The following RNF220 variants were observed in gnomAD, a reference collection of about 807,000 sequenced individuals.
The protein encoded by RNF220 is E3 ubiquitin-protein ligase RNF220.
Under a neutral mutation model 67.1 loss-of-function variants are expected in RNF220, and 7 were observed. That is an observed-to-expected ratio of 0.10 (90% CI 0.06 to 0.20). The LOEUF (loss-of-function observed/expected upper bound fraction) is 0.20, where lower values mean the gene tolerates loss of function less well. Ranked by LOEUF, RNF220 falls within the 10% of genes least tolerant of loss-of-function variation. The pLI is 1.00. For synonymous variants in RNF220, 270 were observed against 283.2 expected (o/e 0.95, Z 0.47); for missense variants, 565 against 740.3 (o/e 0.76, Z 2.75).
intron 2 of RNF220, among the ~76,000 whole-genome samples, chr1:44,521,969 G>A (rs531780363): frequency 1.3e-5 from 2 of 152,324 alleles, no homozygotes; most frequent in African/African-American, 4.8e-5. Flanking sequence ...CAGTGAAGGG[G>A]AGACTGAGTG....
At chr1:44,571,200 C>T (rs11211014) in intron 2 of RNF220, among the ~76,000 whole-genome samples, 4,183 of 152,284 alleles carry the variant, frequency 0.027, 157 homozygotes, top group African/African-American at 0.082. Flanking sequence ...AGTCTGGCCC[C>T]TCTTCCATCT....
intron 2 of RNF220, among the ~76,000 whole-genome samples, chr1:44,413,248 C>T (rs768959715): frequency 2.0e-5 from 3 of 152,144 alleles, no homozygotes; most frequent in Non-Finnish European, 2.9e-5. Flanking sequence ...ACAAAGGTGT[C>T]GTCAATCACC....
intron 2 of RNF220, among the ~76,000 whole-genome samples, chr1:44,484,028 A>G (rs1417698169): frequency 1.3e-5 from 2 of 152,186 alleles, no homozygotes; most frequent in Non-Finnish European, 2.9e-5. Flanking sequence ...ACTGTTTCCC[A>G]GCCTTGGGCT....
intron 2 of RNF220, among the ~76,000 whole-genome samples, chr1:44,564,841 G>A (rs1188269196): frequency 6.6e-6 from 1 of 152,092 alleles, no homozygotes; most frequent in African/African-American, 2.4e-5. Context: ...ATGTGCTCAG[G>A]GGGAACCTTA....
At chr1:44,605,669 G>A (rs1191898016) in intron 2 of RNF220, among the ~76,000 whole-genome samples, 1 of 152,168 alleles carries the variant, frequency 6.6e-6, no homozygotes, top group Non-Finnish European at 1.5e-5. Flanking sequence ...GAGGCTTCGG[G>A]AACACAGAGG....
intron 2 of RNF220, among the ~76,000 whole-genome samples, chr1:44,544,785 C>T (rs1661983748): frequency 6.6e-6 from 1 of 152,248 alleles, no homozygotes; most frequent in Non-Finnish European, 1.5e-5. Context: ...GCTCCATGCC[C>T]ACTCCACGGC....
intron 2 of RNF220, among the ~76,000 whole-genome samples, chr1:44,513,145 T>C (rs1323024700): frequency 6.6e-6 from 1 of 152,198 alleles, no homozygotes; most frequent in Non-Finnish European, 1.5e-5. Context: ...TCGCAGTAGC[T>C]GGTTTGGCAA....
At chr1:44,626,439 C>A in intron 5 of RNF220, 41 bp downstream of exon 5, 1 of 1,514,256 alleles carries the variant, frequency 6.6e-7, no homozygotes, top group Non-Finnish European at 9.2e-7. Flanking sequence ...GCAAGCTCAC[C>A]TGGGGGAGGG....
At chr1:44,436,349 G>A (rs1650966611) in intron 2 of RNF220, among the ~76,000 whole-genome samples, 1 of 151,988 alleles carries the variant, frequency 6.6e-6, no homozygotes, top group South Asian at 2.1e-4. Flanking sequence ...TTTTAGGGGG[G>A]GTAATATATT....
intron 2 of RNF220, among the ~76,000 whole-genome samples, chr1:44,462,284 CTG>C (rs2147964064): frequency 6.6e-6 from 1 of 152,118 alleles, no homozygotes; most frequent in South Asian, 2.1e-4. Flanking sequence ...ATTAAAATTC[CTG>C]TGTTTATAGT....
intron 2 of RNF220, among the ~76,000 whole-genome samples, chr1:44,592,034 A>G (rs1666153975): frequency 6.6e-6 from 1 of 152,158 alleles, no homozygotes; most frequent in African/African-American, 2.4e-5. Context: ...ACACCCCCAG[A>G]GGACTGGCCC....
chr1:44,453,033 A>G (rs1217368144), intron 2 of RNF220, among the ~76,000 whole-genome samples: 3 of 152,062 alleles, frequency 2.0e-5, no homozygotes, highest in African/African-American at 4.8e-5. Context: ...TCTTCATATA[A>G]ATCTTGGACA....
intron 2 of RNF220, among the ~76,000 whole-genome samples, chr1:44,503,190 T>C (rs1206711278): frequency 6.6e-6 from 1 of 151,834 alleles, no homozygotes; most frequent in Non-Finnish European, 1.5e-5. Context: ...AAAAATTAGC[T>C]GGGTATGGTG....
At chr1:44,425,015 A>C (rs1448957055) in intron 2 of RNF220, among the ~76,000 whole-genome samples, 1 of 152,238 alleles carries the variant, frequency 6.6e-6, no homozygotes, top group African/African-American at 2.4e-5. Context: ...TTTGTAAAGA[A>C]ATAAAAGTTG....
At chr1:44,643,879 A>T (rs1408010245) in intron 8 of RNF220, 1 of 153,420 alleles carries the variant, frequency 6.5e-6, no homozygotes, top group Non-Finnish European at 1.4e-5. Flanking sequence ...ATCGCCTGGC[A>T]GGTGAGCAGG....
Position 44,565,382 on chromosome 1 carries a change from G to A in RNF220, c.626-48783G>A, listed in dbSNP as rs948880201. On this transcript the variant is annotated intron_variant, in intron 2 of 14. Coordinates refer to ENST00000361799, the MANE Select transcript of RNF220 (RefSeq NM_018150.4). The surrounding 1 kb of genome is among the most constrained non-coding windows in gnomAD (Gnocchi z 4.2). The stretch of plus-strand genomic sequence containing the variant: ...ATTATCAGAGGGACCACCATGGGTC[G>A]GGCAAGCACCTCAGCCAGGGAGTAA... 3.3e-5 allele frequency among the ~76,000 whole-genome samples: 5 copies of A among 152,128 alleles called. No individual in the cohort carries two copies. Among genetic ancestry groups the A allele is most frequent in the Non-Finnish European group, 7.4e-5 (5 of 68,014 alleles).
At chr1:44,409,032 A>C (rs890488346) in intron 1 of RNF220, 2 of 152,394 alleles carry the variant, frequency 1.3e-5, no homozygotes, top group East Asian at 3.9e-4. Flanking sequence ...AGCGCTGCGC[A>C]TCAGCCCAGC....
intron 2 of RNF220, among the ~76,000 whole-genome samples, chr1:44,556,751 G>C (rs906875460): frequency 2.6e-5 from 4 of 152,060 alleles, no homozygotes; most frequent in African/African-American, 9.7e-5. Flanking sequence ...AGTAGAGACG[G>C]GGTTTCACTG....
At chr1:44,421,223 G>A (rs575234967) in intron 2 of RNF220, among the ~76,000 whole-genome samples, 8 of 152,214 alleles carry the variant, frequency 5.3e-5, no homozygotes, top group African/African-American at 1.2e-4. Context: ...GCAGTGGCCC[G>A]GGTTAAAAAA....
Sources: gnomAD v4.1 joint callset for allele counts (sites outside exome capture counted in the v4.1 genomes callset) on GRCh38, gnomAD v4.1.1 for gene constraint, Gnocchi (gnomAD v3.1) non-coding constraint, MANE v1.5 for transcripts, NCBI Gene and HGNC (gene_info 2026-07-23, HGNC 2026-07-21) for gene names.